SNAI1: variants seen among roughly 807,000 people sequenced by gnomAD.
SNAI1 encodes snail family transcriptional repressor 1, also known as zinc finger protein SNAI1.
In SNAI1, 15 loss-of-function variants were observed where a neutral mutation model predicts 24.7. The ratio of observed to expected loss-of-function variants is 0.61; its 90% CI spans 0.41 to 0.93. SNAI1 has a LOEUF of 0.93. Among genes scored for constraint, SNAI1 ranks in the 40% least tolerant of loss-of-function variants. The pLI is 0.00. For synonymous variants in SNAI1, 163 were observed against 142.9 expected (o/e 1.14, Z -1.00); for missense variants, 283 against 336.7 (o/e 0.84, Z 1.25).
At chr20:49,987,511 G>A (rs977739090) in intron 2 of SNAI1, among the ~76,000 whole-genome samples, 2 of 152,210 alleles carry the variant, frequency 1.3e-5, no homozygotes, top group African/African-American at 4.8e-5. Flanking sequence ...GTGACAGTAG[G>A]ATGAATCAGT....
Position 49,983,155 on chromosome 20 carries a change from G to GT in SNAI1, c.82+16dup. ...ACTCTAATCCAGGTGCGTTGGAGGG[G>GT]TTCTGGGCTCCAGGAGGTTTGGGGG... On this transcript the variant is annotated intron_variant, in intron 1 of 2. Coordinates refer to ENST00000244050, the MANE Select transcript of SNAI1 (RefSeq NM_005985.4). 1 of 1,604,906 alleles carries GT rather than the reference G, an allele frequency of 6.2e-7. No homozygotes were observed. The highest frequency in any genetic ancestry group is 8.5e-7 in the Non-Finnish European group (1 of 1,172,264).
rs1046188083 is a variant in SNAI1 at position 49,982,989 on chromosome 20, C to A, written c.-71C>A. The A allele has an allele frequency of 1.9e-6, 2 of 1,050,976 alleles. No homozygotes were observed. Among genetic ancestry groups the A allele is most frequent in the African/African-American group, 1.6e-5 (1 of 61,200 alleles). 65.1% of individuals were successfully genotyped at this position (1,050,976 alleles called of 1,614,324 possible). ...CGGCGCTGCTGCATTCATTGCGCCG[C>A]GGCACGGCCTAGCGAGTGGTTCTTC... On this transcript the variant is annotated 5_prime_UTR_variant, in exon 1 of 3. Transcript: ENST00000244050.
intron 2 of SNAI1, among the ~76,000 whole-genome samples, chr20:49,987,389 G>C (rs2078337192): frequency 6.6e-6 from 1 of 152,172 alleles, no homozygotes; most frequent in South Asian, 2.1e-4. Context: ...ACTGAAGGCA[G>C]TAAGGGCAGT....
rs551209707 is a variant in SNAI1, at chr20:49,987,195, A to G, written c.611-677A>G. On this transcript the variant is annotated intron_variant, in intron 2 of 2. Transcript: ENST00000244050. The stretch of plus-strand genomic sequence containing the variant: ...AGAACAGACAAGGAGATTTGGGATT[A>G]CAGCGCAGGAGGTGGGGTGGTGAGG... Among the ~76,000 whole-genome samples the G allele has an allele frequency of 7.9e-5, 12 of 152,172 alleles. No individual in the cohort carries two copies. The South Asian group carries it at 2.3e-3, about 29-fold the overall frequency.
Position 49,987,821 on chromosome 20 carries a change from G to GCCAGC in SNAI1, c.611-49_611-45dup, listed in dbSNP as rs762618438. 5 of 1,555,536 alleles carry GCCAGC rather than the reference G, an allele frequency of 3.2e-6. No homozygotes were observed. In the African/African-American group the frequency reaches 6.8e-5, roughly 21 times the overall value. ...TATGCGGGGAGGGATTCCCATCACT[G>GCCAGC]CCAGCCGTTGTCCCACGGCTCACTC... is the stretch of plus-strand genomic sequence containing the variant. On this transcript the variant is annotated intron_variant, in intron 2 of 2. Coordinates refer to ENST00000244050, the MANE Select transcript of SNAI1 (RefSeq NM_005985.4).
Position 49,984,083 on chromosome 20 carries a change from C to T in SNAI1, c.342C>T (p.Ser114=). ...SPPSPAPSSF[S]STSVSSLEAE... The stretch of plus-strand genomic sequence containing the variant: ...CCTCACCGGCTCCTTCGTCCTTCTC[C>T]TCTACTTCAGTCTCTTCCTTGGAGG... Residue 114 remains serine, a synonymous_variant, in exon 2 of 3, where the codon TCC becomes TCT. Transcript: ENST00000244050. 6.2e-7 allele frequency: 1 copy of T among 1,614,236 alleles called. No homozygotes were observed. The highest frequency in any genetic ancestry group is 8.5e-7 in the Non-Finnish European group (1 of 1,180,038).
chr20:49,984,289 G>A lies in SNAI1; in HGVS notation c.548G>A (p.Gly183Glu). Reference protein sequence around the residue: ...IRSHTLPCVCGTCGKAFSRPW... With the variant: ...IRSHTLPCVCETCGKAFSRPW... ...AGCCACACGCTGCCCTGCGTCTGCG[G>A]AACCTGCGGGAAGGCCTTCTCTAGG... The change falls in exon 2 of 3, where the codon GGA (glycine) becomes GAA (glutamate). Residue 183 changes from glycine (G) to glutamate (E), a missense_variant. Coordinates refer to ENST00000244050, the MANE Select transcript of SNAI1 (RefSeq NM_005985.4). 1.2e-6 allele frequency: 2 copies of A among 1,613,578 alleles called. No homozygotes were observed. Among genetic ancestry groups the A allele is most frequent in the Non-Finnish European group, 1.7e-6 (2 of 1,179,806 alleles).
chr20:49,985,262 G>C (rs1477811306), intron 2 of SNAI1, among the ~76,000 whole-genome samples: 1 of 152,202 alleles, frequency 6.6e-6, no homozygotes, highest in Non-Finnish European at 1.5e-5. Flanking sequence ...GCTCTTTGGA[G>C]AGTGACAGTT....
chr20:49,983,681 C>G (rs1419212712), intron 1 of SNAI1, 143 bp from the exon 2 acceptor site: 47 of 783,734 alleles, frequency 6.0e-5, no homozygotes, highest in Non-Finnish European at 8.2e-5. Flanking sequence ...AGGGCAGGAA[C>G]CTGGTCTGTC....
rs2078340351 is a variant in SNAI1, at chr20:49,988,171, C to G, written c.*115C>G. 7 of 849,688 alleles carry G rather than the reference C, an allele frequency of 8.2e-6. No homozygotes were observed. The East Asian group carries it at 1.9e-4, about 23-fold the overall frequency. 52.6% of individuals were successfully genotyped at this position (849,688 alleles called of 1,614,324 possible). ...GCCATGGAATTCCCTCCTGAGTGCC[C>G]CACTTCTGGCCACATCAGCCCCACA... On this transcript the variant is annotated 3_prime_UTR_variant, in exon 3 of 3. Coordinates refer to ENST00000244050, the MANE Select transcript of SNAI1 (RefSeq NM_005985.4).
intron 2 of SNAI1, 67 bp downstream of exon 2, chr20:49,984,418 GTTC>G: frequency 6.9e-7 from 1 of 1,442,738 alleles, no homozygotes. Flanking sequence ...TGGGCTTGCT[GTTC>G]TCATTCCCAA....
rs76145015 is a variant in SNAI1, at chr20:49,984,405, A to G, written c.610+54A>G. The G allele has an allele frequency of 3.3e-3, 4,866 of 1,483,484 alleles. 136 individuals carry two copies. In the African/African-American group the frequency reaches 0.059, roughly 18 times the overall value. 91.9% of individuals were successfully genotyped at this position (1,483,484 alleles called of 1,614,324 possible). On this transcript the variant is annotated intron_variant, in intron 2 of 2. Transcript: ENST00000244050. ...TTGCTCTCTCTGGCAGCTTTTGTGAATCTGGGCTTGCTGTTCTCATTCCCA... is the reference window on the plus strand; with the variant it reads ...TTGCTCTCTCTGGCAGCTTTTGTGAGTCTGGGCTTGCTGTTCTCATTCCCA...
chr20:49,985,880 C>T (rs974657123), intron 2 of SNAI1, among the ~76,000 whole-genome samples: 26 of 152,354 alleles, frequency 1.7e-4, no homozygotes, highest in Admixed American at 1.3e-3. Context: ...ACCATGAAGG[C>T]GTCTGGGGGG....
rs2078325199 is a variant in SNAI1 at position 49,983,922 on chromosome 20, TG to T, written c.184del (p.Asp62ThrfsTer27). 6.2e-7 allele frequency: 1 copy of T among 1,613,416 alleles called. No homozygotes were observed. The highest frequency in any genetic ancestry group is 8.5e-7 in the Non-Finnish European group (1 of 1,180,010). On this transcript the variant is annotated frameshift_variant, in exon 2 of 3. Transcript: ENST00000244050. LOFTEE classifies it high-confidence loss of function. Reference sequence around the variant, plus strand: ...CACCGCCTCGCTGCCAATGCTCATCTGGGACTCTGTCCTGGCGCCCCAAGCC... The same window carrying T: ...CACCGCCTCGCTGCCAATGCTCATCTGGACTCTGTCCTGGCGCCCCAAGCC... Reference protein sequence around the residue: ...NPTASLPMLIWDSVLAPQAQP... With the variant: ...NPTASLPMLIXDSVLAPQAQP...
At chr20:49,985,910 G>A (rs985691421) in intron 2 of SNAI1, among the ~76,000 whole-genome samples, 15 of 152,236 alleles carry the variant, frequency 9.9e-5, no homozygotes, top group Admixed American at 5.2e-4. Flanking sequence ...CAAGGAGTGG[G>A]GGTCTGTGCC....
Position 49,983,012 on chromosome 20 carries a change from T to A in SNAI1, c.-48T>A, listed in dbSNP as rs4647954. 84 of 1,442,570 alleles carry A rather than the reference T, an allele frequency of 5.8e-5. No individual in the cohort carries two copies. The African/African-American group carries it at 1.0e-3, about 18-fold the overall frequency. The allele number at this position is 1,442,570 out of a possible 1,614,324, so 89.4% of individuals were successfully genotyped here. A position where few individuals can be genotyped will look rare whatever the true frequency, so the allele number is the denominator to read the frequency against. On this transcript the variant is annotated 5_prime_UTR_variant, in exon 1 of 3. Transcript: ENST00000244050. ...CGCGGCACGGCCTAGCGAGTGGTTC[T>A]TCTGCGCTACTGCTGCGCGAATCGG...
chr20:49,983,079 T>A lies in SNAI1; in HGVS notation c.20T>A (p.Val7Asp). The A allele has an allele frequency of 6.2e-7, 1 of 1,613,728 alleles. No homozygotes were observed. The highest frequency in any genetic ancestry group is 1.6e-4 in the Middle Eastern group (1 of 6,062). The change falls in exon 1 of 3, where the codon GTC (valine) becomes GAC (aspartate). Residue 7 changes from valine (V) to aspartate (D), a missense_variant. By Grantham distance (152) the Val-to-Asp change is radical (BLOSUM62 -3). Coordinates refer to ENST00000244050, the MANE Select transcript of SNAI1 (RefSeq NM_005985.4). ...ACCACTATGCCGCGCTCTTTCCTCGTCAGGAAGCCCTCCGACCCCAATCGG... is the reference window on the plus strand; with the variant it reads ...ACCACTATGCCGCGCTCTTTCCTCGACAGGAAGCCCTCCGACCCCAATCGG... The part of the protein sequence containing the change: MPRSFL[V>D]RKPSDPNRKP...
chr20:49,988,277 G>A lies in SNAI1; in HGVS notation c.*221G>A, dbSNP rs981592603. ...AGGCCTTCCCATGGCCATTTCTGTGGAGGGAGGGCAGCTGGCCCCCAGCCC... is the reference window on the plus strand; with the variant it reads ...AGGCCTTCCCATGGCCATTTCTGTGAAGGGAGGGCAGCTGGCCCCCAGCCC... On this transcript the variant is annotated 3_prime_UTR_variant, in exon 3 of 3. Transcript: ENST00000244050. The A allele has an allele frequency of 2.5e-5, 13 of 521,818 alleles. No homozygotes were observed. Among genetic ancestry groups the A allele is most frequent in the Non-Finnish European group, 4.4e-5 (13 of 298,316 alleles). 32.3% of individuals were successfully genotyped at this position (521,818 alleles called of 1,614,324 possible).
At position 49,988,272 on chromosome 20, in the gene SNAI1, C is replaced by G; in HGVS notation, c.*216C>G. On this transcript the variant is annotated 3_prime_UTR_variant, in exon 3 of 3. Coordinates refer to ENST00000244050, the MANE Select transcript of SNAI1 (RefSeq NM_005985.4). ...GGAAGAGGCCTTCCCATGGCCATTT[C>G]TGTGGAGGGAGGGCAGCTGGCCCCC... The G allele has an allele frequency of 1.9e-6, 1 of 525,796 alleles. No homozygotes were observed. The highest frequency in any genetic ancestry group is 3.3e-6 in the Non-Finnish European group (1 of 300,890). The allele number at this position is 525,796 out of a possible 1,614,324, so 32.6% of individuals were successfully genotyped here.
Sources: allele counts gnomAD v4.1 joint callset (sites outside exome capture counted in the v4.1 genomes callset), GRCh38; gene constraint gnomAD v4.1.1; transcripts MANE v1.5; gene names NCBI Gene and HGNC (gene_info 2026-07-23, HGNC 2026-07-21).